RAB11FIP3: variants seen among roughly 807,000 people sequenced by gnomAD.
RAB11FIP3 encodes rab11 family-interacting protein 3.
RAB11FIP3 carries 17 observed loss-of-function variants against 77.8 expected under a neutral mutation model. That is an observed-to-expected ratio of 0.22 (90% CI 0.15 to 0.33). The LOEUF (loss-of-function observed/expected upper bound fraction) is 0.33, where lower values mean the gene tolerates loss of function less well. Ranked by LOEUF, RAB11FIP3 falls within the 10% of genes least tolerant of loss-of-function variation. RAB11FIP3 has a pLI of 1.00. For missense variants in RAB11FIP3, 1,005 were observed against 1,011.2 expected, an observed-to-expected ratio of 0.99 and a Z score of 0.08; for synonymous variants, 437 against 448.2, an observed-to-expected ratio of 0.98 and a Z score of 0.31.
intron 1 of RAB11FIP3, among the ~76,000 whole-genome samples, chr16:460,889 C>A (rs114679439): frequency 6.6e-6 from 1 of 152,106 alleles, no homozygotes; most frequent in Non-Finnish European, 1.5e-5. Context: ...TGGCTGTGAC[C>A]GTCTGCAGTG....
chr16:433,348 C>T (rs930195437), intron 1 of RAB11FIP3, among the ~76,000 whole-genome samples: 101 of 147,860 alleles, frequency 6.8e-4, no homozygotes, highest in Non-Finnish European at 7.9e-4. Context: ...AACCATTAAC[C>T]GTGCTCTTTA....
At chr16:499,083 G>C (rs1232051361) in intron 6 of RAB11FIP3, among the ~76,000 whole-genome samples, 1 of 152,090 alleles carries the variant, frequency 6.6e-6, no homozygotes, top group Non-Finnish European at 1.5e-5. Flanking sequence ...GTGTTAGCAG[G>C]TGCCTGTAAT....
rs375661104 is a variant in RAB11FIP3 at position 488,858 on chromosome 16, C to A, written c.1123C>A (p.Pro375Thr). Residue 375 changes from proline to threonine, a missense_variant, in exon 5 of 14, where the codon CCC (proline) becomes ACC (threonine). Around this residue, in one of 4 missense-constraint regions of RAB11FIP3, gnomAD observed 433 missense variants for 436.1 expected, o/e 0.99. Coordinates refer to ENST00000262305, the MANE Select transcript of RAB11FIP3 (RefSeq NM_014700.4). ...TTCTGTTTTACTTTGCAGGCCTCAC[C>A]CCCATGGCCAGTCTGTCATCACGGT... ...ALLLLPGRPH[P>T]HGQSVITVIG... 6.2e-7 allele frequency: 1 copy of A among 1,613,802 alleles called. No individual in the cohort carries two copies. The highest frequency in any genetic ancestry group is 1.3e-5 in the African/African-American group (1 of 75,008).
intron 1 of RAB11FIP3, among the ~76,000 whole-genome samples, chr16:446,546 G>A (rs2055319733): frequency 6.6e-6 from 1 of 152,196 alleles, no homozygotes; most frequent in Non-Finnish European, 1.5e-5. Flanking sequence ...CCTGCACGTG[G>A]TCTCATCCTT....
intron 5 of RAB11FIP3, among the ~76,000 whole-genome samples, chr16:492,863 G>T (rs565163794): frequency 5.3e-5 from 8 of 152,162 alleles, no homozygotes; most frequent in African/African-American, 1.7e-4. Context: ...TGGGCTTTGT[G>T]GGGGCAGAGA....
At chr16:517,237 A>C (rs1480626234) in intron 9 of RAB11FIP3, among the ~76,000 whole-genome samples, 4 of 152,134 alleles carry the variant, frequency 2.6e-5, no homozygotes, top group African/African-American at 9.7e-5. Flanking sequence ...AACACAGGAA[A>C]GTCTGGGAGA....
chr16:492,388 A>AGACCCGAGGCCGTCCAGGG (rs1567391932), intron 5 of RAB11FIP3, among the ~76,000 whole-genome samples: 1 of 39,504 alleles, frequency 2.5e-5, no homozygotes, highest in African/African-American at 1.3e-4. Context: ...GGCCGCCCAG[A>AGACCCGAGGCCGTCCAGGG]GCCCTCCCCG....
At position 506,573 on chromosome 16, in the gene RAB11FIP3, C is replaced by T. The variant is rs1171928499; in HGVS notation, c.1499+946C>T. Reference sequence around the variant, plus strand: ...TTCAGGGCTCTGAGCAGCCTGCACACACGTGTGTTGGCAGCAGGGCATTTG... The same window carrying T: ...TTCAGGGCTCTGAGCAGCCTGCACATACGTGTGTTGGCAGCAGGGCATTTG... On this transcript the variant is annotated intron_variant, in intron 8 of 13. Transcript: ENST00000262305. This position sits in a 1 kb window ranked among gnomAD's most constrained non-coding sequence, Gnocchi z 4.5. Among the ~76,000 whole-genome samples, 1 of 152,196 alleles carries T rather than the reference C, an allele frequency of 6.6e-6. No individual in the cohort carries two copies. The highest frequency in any genetic ancestry group is 6.5e-5 in the Admixed American group (1 of 15,278).
At chr16:503,249 G>A (rs866802241) in intron 7 of RAB11FIP3, 152 bp downstream of exon 7, 4 of 614,092 alleles carry the variant, frequency 6.5e-6, no homozygotes, top group African/African-American at 1.9e-5. Context: ...ATCCAGCCCC[G>A]ATGCTCTTTG....
In RAB11FIP3 at chr16:522,218, T is replaced by C. The variant is rs1393839621; in HGVS notation, c.*1379T>C. The C allele has an allele frequency of 6.7e-6, 1 of 148,548 alleles. No homozygotes were observed. 9.2% of individuals were successfully genotyped at this position (148,548 alleles called of 1,614,324 possible). A position where few individuals can be genotyped will look rare whatever the true frequency, so the allele number is the denominator to read the frequency against. The stretch of plus-strand genomic sequence containing the variant: ...AAGGTTGATCAATTTTTTAATACTT[T>C]CAAGAGAAAACTGTGTATACACATG... On this transcript the variant is annotated 3_prime_UTR_variant, in exon 14 of 14. Transcript: ENST00000262305.
chr16:429,557 T>C (rs1391904892), intron 1 of RAB11FIP3, among the ~76,000 whole-genome samples: 1 of 151,686 alleles, frequency 6.6e-6, no homozygotes, highest in African/African-American at 2.4e-5. Flanking sequence ...TGGAGTGCAA[T>C]GGTGTGATCT....
At position 488,968 on chromosome 16, in the gene RAB11FIP3, G is replaced by T. The variant is rs1406307759; in HGVS notation, c.1233G>T (p.Leu411=). The change falls in exon 5 of 14, where the codon CTG becomes CTT. Residue 411 remains leucine, a synonymous_variant. Coordinates refer to ENST00000262305, the MANE Select transcript of RAB11FIP3 (RefSeq NM_014700.4). The stretch of plus-strand genomic sequence containing the variant: ...CAGAGACCCTATGCAACGGGCAGCT[G>T]GGCTGCAGTGACCCCGCTTTCCTCA... ...LSPETLCNGQ[L]GCSDPAFLTP... 1 of 1,613,960 alleles carries T rather than the reference G, an allele frequency of 6.2e-7. No homozygotes were observed. Among genetic ancestry groups the T allele is most frequent in the Admixed American group, 1.7e-5 (1 of 60,006 alleles).
chr16:482,817 C>A (rs1462919142), intron 4 of RAB11FIP3, 81 bp downstream of exon 4: 4 of 1,417,800 alleles, frequency 2.8e-6, no homozygotes, highest in African/African-American at 2.8e-5. Context: ...AGACTGGGGT[C>A]TTGGAGGAGT....
At chr16:492,370 A>G (rs11643296) in intron 5 of RAB11FIP3, among the ~76,000 whole-genome samples, 3,804 of 131,606 alleles carry the variant, frequency 0.029, 145 homozygotes, top group East Asian at 0.048. Flanking sequence ...TCTTCCCGGG[A>G]GACCCGAGGC....
chr16:510,397 T>C (rs145396976), intron 8 of RAB11FIP3: 33 of 446,804 alleles, frequency 7.4e-5, no homozygotes, highest in South Asian at 2.3e-4. Context: ...AAGCGGGCAG[T>C]GCCTGTGGGT....
At chr16:484,456 A>G (rs1195515997) in intron 4 of RAB11FIP3, among the ~76,000 whole-genome samples, 1 of 151,734 alleles carries the variant, frequency 6.6e-6, no homozygotes, top group Non-Finnish European at 1.5e-5. Context: ...GGTTCCAGCG[A>G]TTCTCCTGCC....
chr16:502,925 A>C (rs1293863555), intron 6 of RAB11FIP3, 79 bp from the exon 7 acceptor site: 3 of 1,145,020 alleles, frequency 2.6e-6, no homozygotes, highest in Non-Finnish European at 4.0e-6. Flanking sequence ...TTTCAGATTG[A>C]CTTGGGAGTG....
At chr16:494,084 A>G (rs12922990) in intron 5 of RAB11FIP3, among the ~76,000 whole-genome samples, 8,714 of 39,960 alleles carry the variant, frequency 0.22, 583 homozygotes, top group African/African-American at 0.31. Flanking sequence ...TTGTATTTTT[A>G]GTAGACACAG....
At chr16:453,679 C>T (rs893452575) in intron 1 of RAB11FIP3, among the ~76,000 whole-genome samples, 5 of 151,308 alleles carry the variant, frequency 3.3e-5, no homozygotes, top group South Asian at 2.1e-4. Flanking sequence ...CAACCTCTGC[C>T]CCCTGGGTTC....
Sources: gnomAD v4.1 joint callset for allele counts (sites outside exome capture counted in the v4.1 genomes callset) on GRCh38, gnomAD v4.1.1 for gene constraint, gnomAD v4.1.1 regional missense constraint, Gnocchi (gnomAD v3.1) non-coding constraint, MANE v1.5 for transcripts, NCBI Gene and HGNC (gene_info 2026-07-23, HGNC 2026-07-21) for gene names.